Variants in TEX36 observed in about 807,000 individuals in gnomAD.
The protein encoded by TEX36 is testis expressed 36.
Under a neutral mutation model 13.6 loss-of-function variants are expected in TEX36, and 12 were observed. The observed-to-expected ratio is 0.88, with a 90% CI of 0.56 to 1.43. The LOEUF (loss-of-function observed/expected upper bound fraction) is 1.43, where lower values mean the gene tolerates loss of function less well. TEX36 is among the 40% of genes most tolerant of loss of function. The pLI is 0.00. For synonymous variants in TEX36, 93 were observed against 83.0 expected, an observed-to-expected ratio of 1.12 and a Z score of -0.65; for missense variants, 224 against 228.3, an observed-to-expected ratio of 0.98 and a Z score of 0.12.
chr10:125,644,593 G>T (rs1042510987), intron 3 of TEX36, among the ~76,000 whole-genome samples: 4 of 152,108 alleles, frequency 2.6e-5, no homozygotes, highest in African/African-American at 4.8e-5. Flanking sequence ...TCTGAATAAG[G>T]CTTGTGGATT....
chr10:125,598,426 C>T (rs1307013055), intron 3 of TEX36, among the ~76,000 whole-genome samples: 1 of 152,134 alleles, frequency 6.6e-6, no homozygotes, highest in Non-Finnish European at 1.5e-5. Context: ...CTGAGCTTGT[C>T]TAGGCCTACA....
At chr10:125,667,083 C>G (rs928562764) in intron 1 of TEX36, 16 of 1,152,372 alleles carry the variant, frequency 1.4e-5, no homozygotes, top group Middle Eastern at 2.1e-4. Flanking sequence ...ACAGGGAGCA[C>G]TTGTTAATGG....
intron 3 of TEX36, among the ~76,000 whole-genome samples, chr10:125,626,981 G>A (rs1198755862): frequency 6.6e-6 from 1 of 152,096 alleles, no homozygotes; most frequent in Non-Finnish European, 1.5e-5. Flanking sequence ...TTCCGGAGGG[G>A]GCTGGTGGGA....
rs150412556 is a variant in TEX36, at chr10:125,586,802, G to GA, written c.265-9929dup. ...TGAGACCCTGTCTAAAAAAAAAGAA[G>GA]AAAAAAAAAAGATTTGCCAGGCGAT... On this transcript the variant is annotated intron_variant, in intron 3 of 3. Coordinates refer to the TEX36 transcript ENST00000532135. Among the ~76,000 whole-genome samples the GA allele has an allele frequency of 1.3e-3, 191 of 147,956 alleles. No individual in the cohort carries two copies. The East Asian group carries it at 0.024, about 19-fold the overall frequency.
At position 125,661,968 on chromosome 10, in the gene TEX36, T is replaced by C. The variant is rs1188682421; in HGVS notation, c.61A>G (p.Ile21Val). 6.4e-7 allele frequency: 1 copy of C among 1,552,352 alleles called. No individual in the cohort carries two copies. Among genetic ancestry groups the C allele is most frequent in the Admixed American group, 2.0e-5 (1 of 51,004 alleles). Residue 21 changes from isoleucine to valine, a missense_variant, in exon 2 of 4, where the codon ATC becomes GTC. Physicochemically the swap from Ile to Val is conservative, Grantham distance 29 (BLOSUM62 3). Coordinates refer to ENST00000368821, the MANE Select transcript of TEX36 (RefSeq NM_001128202.3). The part of the protein sequence containing the change: ...SDKDGRWFPH[I>V]GLTQKTPESI... ...TCTGGTGTCTTTTGCGTTAGCCCGA[T>C]GTGAGGGAACTGGAAGAACAGCACA...
intron 3 of TEX36, among the ~76,000 whole-genome samples, chr10:125,580,991 C>G (rs1219512533): frequency 6.6e-6 from 1 of 152,152 alleles, no homozygotes; most frequent in Admixed American, 6.5e-5. Context: ...GTGAAAAAAC[C>G]AGCAGACACA....
chr10:125,672,600 T>C (rs986820973), intron 1 of TEX36, among the ~76,000 whole-genome samples: 1 of 152,222 alleles, frequency 6.6e-6, no homozygotes, highest in African/African-American at 2.4e-5. Context: ...GAAGAATGTA[T>C]ATTCTGTTCT....
intron 3 of TEX36, among the ~76,000 whole-genome samples, chr10:125,641,123 CAATGTAGAAATTGTTCCTAG>C: frequency 6.6e-6 from 1 of 152,292 alleles, no homozygotes; most frequent in East Asian, 1.9e-4. Flanking sequence ...CACTAAACTG[CAATGTAGAAATTGTTCCTAG>C]AAAGGCTGTA....
chr10:125,668,476 ACT>A (rs1847163870), intron 1 of TEX36, among the ~76,000 whole-genome samples: 1 of 151,918 alleles, frequency 6.6e-6, no homozygotes, highest in Non-Finnish European at 1.5e-5. Context: ...GTAGTCTCCA[ACT>A]TTTTTATTTA....
At chr10:125,662,698 C>T (rs530514428) in intron 1 of TEX36, among the ~76,000 whole-genome samples, 1 of 152,104 alleles carries the variant, frequency 6.6e-6, no homozygotes, top group Non-Finnish European at 1.5e-5. Flanking sequence ...GAGAGGGGAC[C>T]CAGTCTCTGT....
chr10:125,644,072 T>C (rs1846731079), intron 3 of TEX36, among the ~76,000 whole-genome samples: 1 of 151,864 alleles, frequency 6.6e-6, no homozygotes, highest in African/African-American at 2.4e-5. Context: ...GCTATAGAAA[T>C]AAGTAAAATC....
intron 3 of TEX36, among the ~76,000 whole-genome samples, chr10:125,629,655 T>G (rs1416881711): frequency 6.6e-6 from 1 of 152,230 alleles, no homozygotes; most frequent in Non-Finnish European, 1.5e-5. Context: ...CAAGAATATA[T>G]TTTATAATAA....
Position 125,679,561 on chromosome 10 carries a change from C to T in TEX36, c.51+3378G>A, listed in dbSNP as rs1847363802. Reference sequence around the variant, plus strand: ...TCTCCATGGCCAGAGTTACACATTTCTACAGTGGGCATGTGGGCTGCCGGA... The same window carrying T: ...TCTCCATGGCCAGAGTTACACATTTTTACAGTGGGCATGTGGGCTGCCGGA... On this transcript the variant is annotated intron_variant, in intron 1 of 3. Transcript: ENST00000368821. Among the ~76,000 whole-genome samples, 4 of 152,192 alleles carry T rather than the reference C, an allele frequency of 2.6e-5. No homozygotes were observed. The South Asian group carries it at 8.3e-4, about 31-fold the overall frequency.
intron 3 of TEX36, chr10:125,576,908 T>C (rs1328173883): frequency 3.3e-6 from 5 of 1,535,896 alleles, no homozygotes; most frequent in Non-Finnish European, 2.6e-6. Context: ...GAACCATGAG[T>C]AGTTGTGTGC....
chr10:125,588,735 C>T (rs1350431278), intron 3 of TEX36, among the ~76,000 whole-genome samples: 2 of 152,236 alleles, frequency 1.3e-5, no homozygotes, highest in Admixed American at 6.5e-5. Context: ...CTGCCTCAGC[C>T]TCCCGAGTAG....
chr10:125,613,028 A>G (rs1327481904), intron 3 of TEX36, among the ~76,000 whole-genome samples: 1 of 151,990 alleles, frequency 6.6e-6, no homozygotes, highest in Non-Finnish European at 1.5e-5. Context: ...GCAGAAGTCC[A>G]GTGTTCCAGC....
chr10:125,655,622 T>A, downstream of TEX36: 2 of 1,101,366 alleles, frequency 1.8e-6, no homozygotes, highest in Non-Finnish European at 2.2e-6. Context: ...TTGTTTCCTC[T>A]GTATGGTTTG....
intron 3 of TEX36, among the ~76,000 whole-genome samples, chr10:125,590,434 A>T (rs1013186177): frequency 6.6e-6 from 1 of 152,064 alleles, no homozygotes; most frequent in Non-Finnish European, 1.5e-5. Flanking sequence ...CTTTTATTTT[A>T]AAAAAAGGTG....
chr10:125,599,640 C>T (rs531238529), intron 3 of TEX36, among the ~76,000 whole-genome samples: 94 of 152,292 alleles, frequency 6.2e-4, no homozygotes, highest in African/African-American at 2.2e-3. Flanking sequence ...GAACACACAC[C>T]TTGCTGGAAT....
Sources: gnomAD v4.1 joint callset for allele counts (sites outside exome capture counted in the v4.1 genomes callset) on GRCh38, gnomAD v4.1.1 for gene constraint, MANE v1.5 for transcripts, NCBI Gene and HGNC (gene_info 2026-07-23, HGNC 2026-07-21) for gene names.